The following LRP5 variants were observed in gnomAD, a reference collection of about 807,000 sequenced individuals.
LRP5 encodes the protein LDL receptor related protein 5.
LRP5 carries 62 observed loss-of-function variants against 154.1 expected under a neutral mutation model. That is an observed-to-expected ratio of 0.40 (90% CI 0.33 to 0.50). The LOEUF (loss-of-function observed/expected upper bound fraction) is 0.50. LRP5 is among the 20% of genes least tolerant of loss of function. The pLI is 0.55. For missense variants in LRP5, 1,915 were observed against 2,336.7 expected (o/e 0.82, Z 3.72); for synonymous variants, 966 against 1,011.5 (o/e 0.96, Z 0.85).
At chr11:68,375,951 G>A (rs191891405) in intron 5 of LRP5, among the ~76,000 whole-genome samples, 114 of 152,296 alleles carry the variant, frequency 7.5e-4, no homozygotes, top group Non-Finnish European at 1.5e-3. Context: ...TGATAGGTGG[G>A]GCCGCGTGAA....
At chr11:68,417,600 A>G (rs540725129) in intron 13 of LRP5, among the ~76,000 whole-genome samples, 56 of 151,412 alleles carry the variant, frequency 3.7e-4, no homozygotes, top group African/African-American at 1.3e-3. Context: ...AACTGGGATT[A>G]CAGGCATGAG....
chr11:68,433,537 C>A, intron 17 of LRP5, 65 bp from the exon 18 acceptor site: 1 of 1,399,016 alleles, frequency 7.1e-7, no homozygotes, highest in Non-Finnish European at 1.0e-6. Flanking sequence ...GAAGCCCAGT[C>A]ACGCCATTGC....
chr11:68,307,614 C>T (rs901999178), upstream of LRP5, among the ~76,000 whole-genome samples: 2 of 151,320 alleles, frequency 1.3e-5, no homozygotes, highest in Non-Finnish European at 2.9e-5. Flanking sequence ...GCCAAGAGTG[C>T]ACCACTGCAC....
intron 1 of LRP5, among the ~76,000 whole-genome samples, chr11:68,316,025 C>T (rs1386642010): frequency 6.6e-6 from 1 of 152,112 alleles, no homozygotes; most frequent in Non-Finnish European, 1.5e-5. Context: ...TTACAACCCT[C>T]TCTTCTATCA....
chr11:68,375,661 T>C (rs1383118234), intron 5 of LRP5, among the ~76,000 whole-genome samples: 1 of 152,178 alleles, frequency 6.6e-6, no homozygotes, highest in Non-Finnish European at 1.5e-5. Flanking sequence ...GGAAACAGGC[T>C]GGGAGAGTTC....
chr11:68,368,172 C>T (rs1348232511), intron 5 of LRP5, among the ~76,000 whole-genome samples: 1 of 152,030 alleles, frequency 6.6e-6, no homozygotes, highest in Non-Finnish European at 1.5e-5. Context: ...GAGAAGAAAG[C>T]AGTTAATGAG....
intron 6 of LRP5, among the ~76,000 whole-genome samples, chr11:68,388,662 C>T (rs2098644359): frequency 1.3e-5 from 2 of 152,272 alleles, no homozygotes; most frequent in Non-Finnish European, 1.5e-5. Flanking sequence ...TCTGCTCTGC[C>T]CCTTCCTCCC....
intron 1 of LRP5, among the ~76,000 whole-genome samples, chr11:68,314,611 C>T (rs372933590): frequency 4.6e-5 from 7 of 152,226 alleles, no homozygotes; most frequent in Admixed American, 4.6e-4. Flanking sequence ...TGGCTTTGTT[C>T]TAGTGGTCCC....
At position 68,411,419 on chromosome 11, in the gene LRP5, T is replaced by G; in HGVS notation, c.2319-17T>G. 1 of 1,608,932 alleles carries G rather than the reference T, an allele frequency of 6.2e-7. No individual in the cohort carries two copies. The highest frequency in any genetic ancestry group is 8.5e-7 in the Non-Finnish European group (1 of 1,179,946). On this transcript the variant is annotated splice_polypyrimidine_tract_variant and intron_variant, in intron 10 of 22. Coordinates refer to ENST00000294304, the MANE Select transcript of LRP5 (RefSeq NM_002335.4). ...AGCAGACTCACTGAGCCTGCCCTTCTCCCTTGTGCCTTCCAGCTACATCTA... is the reference window on the plus strand; with the variant it reads ...AGCAGACTCACTGAGCCTGCCCTTCGCCCTTGTGCCTTCCAGCTACATCTA...
At position 68,436,921 on chromosome 11, in the gene LRP5, A is replaced by G; in HGVS notation, c.4033A>G (p.Ser1345Gly). ...ICLPNQFRCA[S>G]GQCVLIKQQC... ...CCTGCCCAACCAGTTCCGGTGTGCG[A>G]GCGGCCAGTGTGTCCTCATCAAACA... Residue 1345 changes from serine (S) to glycine (G), a missense_variant, in exon 19 of 23, where the codon AGC becomes GGC. Physicochemically the swap from Ser to Gly is moderately conservative, Grantham distance 56. Coordinates refer to ENST00000294304, the MANE Select transcript of LRP5 (RefSeq NM_002335.4). 1 of 1,613,854 alleles carries G rather than the reference A, an allele frequency of 6.2e-7. No homozygotes were observed. Among genetic ancestry groups the G allele is most frequent in the Middle Eastern group, 1.6e-4 (1 of 6,062 alleles).
intron 21 of LRP5, 45 bp from the exon 22 acceptor site, chr11:68,446,391 C>T (rs369128746): frequency 4.5e-6 from 6 of 1,328,962 alleles, no homozygotes; most frequent in South Asian, 1.2e-5. Context: ...GAAGGAATGC[C>T]CAGGCTGGCG....
intron 1 of LRP5, among the ~76,000 whole-genome samples, chr11:68,323,308 C>T (rs932895653): frequency 6.6e-6 from 1 of 151,680 alleles, no homozygotes; most frequent in African/African-American, 2.4e-5. Flanking sequence ...GGAGTTTCAC[C>T]ATGTTGGCTG....
At chr11:68,317,294 T>G (rs1448620897) in intron 1 of LRP5, among the ~76,000 whole-genome samples, 4 of 152,212 alleles carry the variant, frequency 2.6e-5, no homozygotes, top group Admixed American at 2.6e-4. Context: ...TCCCAAGAGC[T>G]GGTGTCTGGG....
chr11:68,445,262 G>A (rs1333474028), intron 21 of LRP5, among the ~76,000 whole-genome samples: 1 of 152,012 alleles, frequency 6.6e-6, no homozygotes, highest in Non-Finnish European at 1.5e-5. Context: ...ACCACACCCG[G>A]CTAATTTTCA....
rs756096128 is a variant in LRP5 at position 68,403,463 on chromosome 11, A to C, written c.1585-20A>C. 6.2e-7 allele frequency: 1 copy of C among 1,610,928 alleles called. No individual in the cohort carries two copies. The highest frequency in any genetic ancestry group is 8.5e-7 in the Non-Finnish European group (1 of 1,177,480). On this transcript the variant is annotated intron_variant, in intron 7 of 22. Transcript: ENST00000294304. Reference sequence around the variant, plus strand: ...GTGTGGCCCTGGCCCATCCAGACCTATATTTCTGCCGTCCTGCAGGTGATC... The same window carrying C: ...GTGTGGCCCTGGCCCATCCAGACCTCTATTTCTGCCGTCCTGCAGGTGATC...
chr11:68,398,141 T>C (rs2098650579), intron 7 of LRP5, among the ~76,000 whole-genome samples: 1 of 152,208 alleles, frequency 6.6e-6, no homozygotes, highest in Non-Finnish European at 1.5e-5. Flanking sequence ...CTCTCCCCTT[T>C]AAACACGTGC....
chr11:68,335,871 GTT>G (rs1326099258), intron 1 of LRP5, among the ~76,000 whole-genome samples: 2 of 152,208 alleles, frequency 1.3e-5, no homozygotes, highest in African/African-American at 4.8e-5. Context: ...GTTGACCTCA[GTT>G]TGGAACGTGT....
At chr11:68,421,773 C>G (rs2098665885) in intron 13 of LRP5, among the ~76,000 whole-genome samples, 1 of 111,702 alleles carries the variant, frequency 9.0e-6, no homozygotes. Flanking sequence ...GCACCCTTTC[C>G]ATCTGGGGGT....
At chr11:68,328,144 G>A (rs1342627780) in intron 1 of LRP5, among the ~76,000 whole-genome samples, 1 of 152,234 alleles carries the variant, frequency 6.6e-6, no homozygotes, top group Non-Finnish European at 1.5e-5. Flanking sequence ...CCCTGGCATG[G>A]TACAGTGTCG....
Sources: allele counts gnomAD v4.1 joint callset (sites outside exome capture counted in the v4.1 genomes callset), GRCh38; gene constraint gnomAD v4.1.1; transcripts MANE v1.5; gene names NCBI Gene and HGNC (gene_info 2026-07-23, HGNC 2026-07-21).